The following PCNX2 variants were observed in gnomAD, a reference collection of about 807,000 sequenced individuals.
PCNX2 encodes the protein pecanex-like protein 2.
In PCNX2, 168 loss-of-function variants were observed where a neutral mutation model predicts 223.8. The ratio of observed to expected loss-of-function variants is 0.75; its 90% CI spans 0.66 to 0.85. PCNX2 has a LOEUF of 0.85. PCNX2 is among the 40% of genes least tolerant of loss of function. PCNX2 has a pLI of 0.00. For missense variants in PCNX2, 2,507 were observed against 2,675.5 expected (o/e 0.94, Z 1.39); for synonymous variants, 1,006 against 1,052.6 (o/e 0.96, Z 0.86).
rs148760151 is a variant in PCNX2, at chr1:233,066,595, A to G, written c.4077-9305T>C. 2.9e-3 allele frequency among the ~76,000 whole-genome samples: 444 copies of G among 152,284 alleles called. 2 individuals are homozygous for G. The highest frequency in any genetic ancestry group is 0.01 in the African/African-American group (425 of 41,560). The stretch of plus-strand genomic sequence containing the variant: ...CAGCAGCCTGTGTGCCTGGCTGTGC[A>G]CTGTGGTCAGACCTCACACCCACTT... On this transcript the variant is annotated intron_variant, in intron 23 of 33. Transcript: ENST00000258229.
At chr1:233,302,559 G>T in the PCNX2 span, among the ~76,000 whole-genome samples, 2 of 149,870 alleles carry the variant, frequency 1.3e-5, no homozygotes, top group Non-Finnish European at 3.0e-5. Flanking sequence ...TGTTTCTCTT[G>T]TACTGTGTCT....
At chr1:233,291,400 G>A (rs952609446) in intron 1 of PCNX2, among the ~76,000 whole-genome samples, 1 of 151,862 alleles carries the variant, frequency 6.6e-6, no homozygotes, top group African/African-American at 2.4e-5. Context: ...ACCTGATGTC[G>A]GGAGTTCAAG....
intron 25 of PCNX2, among the ~76,000 whole-genome samples, chr1:233,051,083 A>T (rs187812522): frequency 6.3e-4 from 96 of 152,344 alleles, no homozygotes; most frequent in Non-Finnish European, 1.1e-3. Context: ...AATGCTCAAC[A>T]TCACTAATCA....
At chr1:233,093,223 A>G (rs1212147105) in intron 22 of PCNX2, among the ~76,000 whole-genome samples, 1 of 152,230 alleles carries the variant, frequency 6.6e-6, no homozygotes, top group Non-Finnish European at 1.5e-5. Context: ...ATTTCTAATT[A>G]TTAGAAGACA....
Position 233,227,246 on chromosome 1 carries a change from G to A in PCNX2, c.2484C>T (p.Thr828=). 6.2e-7 allele frequency: 1 copy of A among 1,612,620 alleles called. No homozygotes were observed. Reference sequence around the variant, plus strand: ...CTTACCGATCAAGTAATGCCAGCAAGGTCAGTCGATCATACCAGACTTTAA... The same window carrying A: ...CTTACCGATCAAGTAATGCCAGCAAAGTCAGTCGATCATACCAGACTTTAA... ...KWIKVWYDRL[T]LLALLDRTED... The change falls in exon 10 of 34, where the codon ACC becomes ACT. Residue 828 remains threonine, a synonymous_variant. Coordinates refer to ENST00000258229, the MANE Select transcript of PCNX2 (RefSeq NM_014801.4).
chr1:233,098,488 T>C (rs1674303373), intron 21 of PCNX2, among the ~76,000 whole-genome samples: 1 of 152,218 alleles, frequency 6.6e-6, no homozygotes, highest in African/African-American at 2.4e-5. Flanking sequence ...GGTATCCTTG[T>C]TCTTTTCCTA....
At chr1:233,014,476 A>C (rs1385429722) in intron 28 of PCNX2, among the ~76,000 whole-genome samples, 189 bp downstream of exon 28, 1 of 152,210 alleles carries the variant, frequency 6.6e-6, no homozygotes, top group Non-Finnish European at 1.5e-5. Context: ...TTCCAAATTG[A>C]ATACTCCAAA....
chr1:233,179,244 T>C lies in PCNX2; in HGVS notation c.3067-69A>G, dbSNP rs1272410064. Reference sequence around the variant, plus strand: ...TGAATAGCAGGATCTCTATCAGACATTTAGAAATATCCCCAAGGTCCAGCT... The same window carrying C: ...TGAATAGCAGGATCTCTATCAGACACTTAGAAATATCCCCAAGGTCCAGCT... On this transcript the variant is annotated intron_variant, in intron 15 of 33. Transcript: ENST00000258229. 2.0e-6 allele frequency: 3 copies of C among 1,482,924 alleles called. No individual in the cohort carries two copies. In the East Asian group the frequency reaches 6.9e-5, roughly 34 times the overall value. The allele number at this position is 1,482,924 out of a possible 1,614,324, so 91.9% of individuals were successfully genotyped here.
intron 23 of PCNX2, among the ~76,000 whole-genome samples, chr1:233,077,307 T>C (rs1673136168): frequency 6.6e-6 from 1 of 152,228 alleles, no homozygotes; most frequent in African/African-American, 2.4e-5. Flanking sequence ...ACTAAGATTG[T>C]GTCAAATCTT....
intron 8 of PCNX2, among the ~76,000 whole-genome samples, 185 bp from the exon 9 acceptor site, chr1:233,237,165 T>C (rs975433972): frequency 1.3e-5 from 2 of 152,208 alleles, no homozygotes; most frequent in African/African-American, 4.8e-5. Flanking sequence ...AGAAGGTCAA[T>C]TACCCTGCAT....
intron 23 of PCNX2, among the ~76,000 whole-genome samples, chr1:233,084,205 C>A (rs1673490256): frequency 6.6e-6 from 1 of 152,140 alleles, no homozygotes. Flanking sequence ...GTGGTTTGAC[C>A]AACCACAAAG....
intron 30 of PCNX2, among the ~76,000 whole-genome samples, chr1:232,999,839 C>A (rs1439089154): frequency 6.6e-6 from 1 of 152,152 alleles, no homozygotes; most frequent in Non-Finnish European, 1.5e-5. Flanking sequence ...GGATATGATG[C>A]CATCTTCATG....
chr1:233,167,352 G>A (rs999610615), intron 17 of PCNX2, among the ~76,000 whole-genome samples: 3 of 152,152 alleles, frequency 2.0e-5, no homozygotes, highest in African/African-American at 4.8e-5. Context: ...GAGAGAGAGA[G>A]AGAGAGAGTC....
chr1:233,019,883 G>A (rs1275489472), intron 26 of PCNX2, among the ~76,000 whole-genome samples: 1 of 152,138 alleles, frequency 6.6e-6, no homozygotes, highest in Admixed American at 6.6e-5. Flanking sequence ...AAAGTTGCAA[G>A]CAAAAGAGTA....
intron 21 of PCNX2, among the ~76,000 whole-genome samples, chr1:233,129,763 G>C (rs971289694): frequency 2.0e-5 from 3 of 152,214 alleles, no homozygotes; most frequent in African/African-American, 7.2e-5. Context: ...ACACCAATCA[G>C]CACCCTGTCA....
At chr1:233,005,548 A>T (rs1374754318) in intron 28 of PCNX2, among the ~76,000 whole-genome samples, 1 of 152,220 alleles carries the variant, frequency 6.6e-6, no homozygotes. Context: ...TATTGAAATG[A>T]TTCTCAATGT....
intron 1 of PCNX2, among the ~76,000 whole-genome samples, chr1:233,280,358 G>A (rs964734628): frequency 1.3e-5 from 2 of 149,048 alleles, no homozygotes; most frequent in Non-Finnish European, 3.0e-5. Flanking sequence ...GGAGTGCAGT[G>A]GTCTTCTCAG....
the PCNX2 span, among the ~76,000 whole-genome samples, chr1:233,321,106 C>G: frequency 6.7e-6 from 1 of 149,552 alleles, no homozygotes; most frequent in Non-Finnish European, 1.5e-5. Context: ...GCAAGCTCCG[C>G]CTCCGGGGTT....
rs78378502 is a variant in PCNX2 at position 233,107,629 on chromosome 1, T to C, written c.3838-11766A>G. Among the ~76,000 whole-genome samples, 826 of 150,852 alleles carry C rather than the reference T, an allele frequency of 5.5e-3. 4 individuals are homozygous for C. Among genetic ancestry groups the C allele is most frequent in the Non-Finnish European group, 9.2e-3 (623 of 67,862 alleles). ...GGCTTCTGGTTTCTTCTCTGGGATA[T>C]ACAAAGCTGTAAAGCATGTTTCTTC... is the stretch of plus-strand genomic sequence containing the variant. On this transcript the variant is annotated intron_variant, in intron 21 of 33. Coordinates refer to ENST00000258229, the MANE Select transcript of PCNX2 (RefSeq NM_014801.4).
Sources: gnomAD v4.1 joint callset for allele counts (sites outside exome capture counted in the v4.1 genomes callset) on GRCh38, gnomAD v4.1.1 for gene constraint, MANE v1.5 for transcripts, NCBI Gene and HGNC (gene_info 2026-07-23, HGNC 2026-07-21) for gene names.